Variants in CNTLN observed in about 807,000 individuals in gnomAD.
CNTLN encodes the protein centlein, centrosomal protein.
A neutral mutation model predicts 180.0 loss-of-function variants in CNTLN; 212 were observed. The ratio of observed to expected loss-of-function variants is 1.18; its 90% confidence interval spans 1.05 to 1.32. The LOEUF is 1.32. CNTLN is among the 40% of genes most tolerant of loss of function. The probability of loss-of-function intolerance (pLI) is 0.00; values close to 1 mark genes in which losing one functional copy is unlikely to be tolerated. For synonymous variants in CNTLN, 722 were observed against 563.1 expected, an observed-to-expected ratio of 1.28 and a Z score of -3.99; for missense variants, 2,095 against 1,610.9, an observed-to-expected ratio of 1.30 and a Z score of -5.14.
At chr9:17,198,386 C>CTTT (rs61209273) in intron 2 of CNTLN, among the ~76,000 whole-genome samples, 23 of 109,724 alleles carry the variant, frequency 2.1e-4, no homozygotes, top group African/African-American at 6.0e-4. Flanking sequence ...TCTTTTCTTT[C>CTTT]TTTTTTTTTT....
chr9:17,464,287 A>AT (rs1389254627), intron 20 of CNTLN, among the ~76,000 whole-genome samples: 2 of 151,374 alleles, frequency 1.3e-5, no homozygotes, highest in Non-Finnish European at 3.0e-5. Flanking sequence ...TAATTATATA[A>AT]TTACCAAGTC....
intron 13 of CNTLN, among the ~76,000 whole-genome samples, chr9:17,380,994 C>T (rs1825205421): frequency 6.6e-6 from 1 of 152,162 alleles, no homozygotes; most frequent in South Asian, 2.1e-4. Context: ...CTGTCACCTC[C>T]ACCCGTGATT....
chr9:17,476,792 AG>A (rs1227499596), intron 23 of CNTLN, among the ~76,000 whole-genome samples: 2 of 152,232 alleles, frequency 1.3e-5, no homozygotes, highest in African/African-American at 4.8e-5. Context: ...TACAAGGTAA[AG>A]CAGCAAGTGC....
At chr9:17,272,898 C>A (rs1459040315) in intron 5 of CNTLN, among the ~76,000 whole-genome samples, 2 of 152,098 alleles carry the variant, frequency 1.3e-5, no homozygotes, top group African/African-American at 4.8e-5. Context: ...TCCCTCCCTC[C>A]TTCTGCCCTT....
At chr9:17,487,155 A>G (rs1212444889) in intron 25 of CNTLN, 89 bp downstream of exon 25, 7 of 838,900 alleles carry the variant, frequency 8.3e-6, no homozygotes, top group South Asian at 7.4e-5. Flanking sequence ...TTTTGTAAAC[A>G]CTTCCCCATT....
At chr9:17,477,542 G>T (rs192092529) in intron 23 of CNTLN, among the ~76,000 whole-genome samples, 1 of 152,296 alleles carries the variant, frequency 6.6e-6, no homozygotes, top group East Asian at 1.9e-4. Flanking sequence ...GCAGGAGTTT[G>T]GAGAAGTTTG....
At chr9:17,485,977 A>T (rs1407932521) in intron 24 of CNTLN, among the ~76,000 whole-genome samples, 1 of 152,168 alleles carries the variant, frequency 6.6e-6, no homozygotes, top group Non-Finnish European at 1.5e-5. Flanking sequence ...GGGCAGGTGG[A>T]ATCTGAAGAC....
At chr9:17,191,739 A>G (rs1038700085) in intron 2 of CNTLN, among the ~76,000 whole-genome samples, 1 of 152,252 alleles carries the variant, frequency 6.6e-6, no homozygotes, top group African/African-American at 2.4e-5. Context: ...ATCTGAAAAT[A>G]TGAAGAGAAA....
chr9:17,373,188 A>G (rs1824471452), intron 13 of CNTLN, among the ~76,000 whole-genome samples: 2 of 152,198 alleles, frequency 1.3e-5, no homozygotes, highest in Admixed American at 1.3e-4. Flanking sequence ...AAGTCAAATT[A>G]TCTTTATTTG....
chr9:17,246,222 C>G (rs1000415134), intron 5 of CNTLN, among the ~76,000 whole-genome samples: 2 of 152,120 alleles, frequency 1.3e-5, no homozygotes, highest in African/African-American at 2.4e-5. Context: ...ATGTTGTGAT[C>G]TATGTCTTTG....
chr9:17,236,051 T>G lies in CNTLN; in HGVS notation c.669+259T>G, dbSNP rs558393284. On this transcript the variant is annotated intron_variant, in intron 4 of 25. Coordinates refer to ENST00000380647, the MANE Select transcript of CNTLN (RefSeq NM_017738.4). ...GTAGGAGTGTGAATATGTGGCTTCT[T>G]GTAATTAGATTCTGATGGGACTGGC... is the stretch of plus-strand genomic sequence containing the variant. Among the ~76,000 whole-genome samples the G allele has an allele frequency of 2.6e-5, 4 of 152,298 alleles. No individual in the cohort carries two copies. The South Asian group carries it at 8.3e-4, about 32-fold the overall frequency.
intron 2 of CNTLN, among the ~76,000 whole-genome samples, chr9:17,158,297 G>A (rs1287030565): frequency 6.6e-6 from 1 of 152,024 alleles, no homozygotes; most frequent in African/African-American, 2.4e-5. Flanking sequence ...TTGGCTTGCT[G>A]GTATGTTGCT....
intron 2 of CNTLN, among the ~76,000 whole-genome samples, chr9:17,182,743 C>CTTAT (rs772732994): frequency 2.0e-5 from 3 of 152,288 alleles, no homozygotes; most frequent in East Asian, 1.9e-4. Flanking sequence ...GCAGTCTTTA[C>CTTAT]TTATTGTTCT....
At chr9:17,455,098 A>C (rs930886626) in intron 18 of CNTLN, among the ~76,000 whole-genome samples, 1 of 152,108 alleles carries the variant, frequency 6.6e-6, no homozygotes, top group South Asian at 2.1e-4. Context: ...TTTCTCATCT[A>C]TAGCTTTCTC....
downstream of CNTLN, among the ~76,000 whole-genome samples, chr9:17,504,826 AG>A (rs1707125336): frequency 6.6e-6 from 1 of 152,216 alleles, no homozygotes; most frequent in African/African-American, 2.4e-5. Flanking sequence ...GGAAAAGCTC[AG>A]TCCTGTCAGC....
chr9:17,226,427 A>T, intron 3 of CNTLN, 140 bp downstream of exon 3: 1 of 469,818 alleles, frequency 2.1e-6, no homozygotes, highest in Non-Finnish European at 3.8e-6. Context: ...TTTTGAAGTC[A>T]CTAGTAAGAT....
Position 17,392,280 on chromosome 9 carries a change from A to G in CNTLN, c.2080-2254A>G, listed in dbSNP as rs953460763. Among the ~76,000 whole-genome samples the G allele has an allele frequency of 3.3e-5, 5 of 152,298 alleles. No homozygotes were observed. The East Asian group carries it at 7.7e-4, about 24-fold the overall frequency. ...ATCTTGACTCAAAGAAAGTGTAATT[A>G]CTTACTTGCATCAAATATGTATTTA... On this transcript the variant is annotated intron_variant, in intron 14 of 25. Transcript: ENST00000380647.
the CNTLN span, among the ~76,000 whole-genome samples, chr9:17,524,094 A>G: frequency 6.6e-6 from 1 of 152,230 alleles, no homozygotes; most frequent in Non-Finnish European, 1.5e-5. Flanking sequence ...TTCTGTATAT[A>G]CCAGTTAATG....
At chr9:17,272,983 C>T (rs1005036540) in intron 5 of CNTLN, among the ~76,000 whole-genome samples, 35 of 151,766 alleles carry the variant, frequency 2.3e-4, no homozygotes, top group African/African-American at 8.0e-4. Context: ...CTATCATTGT[C>T]TTTTCTTTTT....
Sources: allele counts gnomAD v4.1 joint callset (sites outside exome capture counted in the v4.1 genomes callset), GRCh38; gene constraint gnomAD v4.1.1; transcripts MANE v1.5; gene names NCBI Gene and HGNC (gene_info 2026-07-23, HGNC 2026-07-21).